The following QTMAN variants were observed in gnomAD, a reference collection of about 807,000 sequenced individuals.
QTMAN encodes the protein tRNA-queuosine alpha-mannosyltransferase.
the QTMAN span, among the ~76,000 whole-genome samples, chr2:144,078,815 A>G: frequency 2.6e-5 from 4 of 152,156 alleles, no homozygotes. Flanking sequence ...ACATTTACAT[A>G]GAAACCAGGC....
chr2:144,077,986 T>TA, the QTMAN span, among the ~76,000 whole-genome samples: 1 of 137,062 alleles, frequency 7.3e-6, no homozygotes, highest in African/African-American at 2.8e-5. Context: ...AGATAGCATA[T>TA]AAAAATGCCA....
At chr2:144,226,891 T>C in the QTMAN span, among the ~76,000 whole-genome samples, 146 of 152,228 alleles carry the variant, frequency 9.6e-4, no homozygotes, top group Middle Eastern at 3.4e-3. Context: ...GTCTGAGCCA[T>C]TCCTTCTGCA....
the QTMAN span, among the ~76,000 whole-genome samples, chr2:144,161,829 G>A: frequency 1.3e-5 from 2 of 152,174 alleles, no homozygotes; most frequent in African/African-American, 4.8e-5. Context: ...AGTAAGTTAT[G>A]AAAATTCATC....
chr2:144,119,253 C>T, the QTMAN span, among the ~76,000 whole-genome samples: 2 of 152,110 alleles, frequency 1.3e-5, no homozygotes, highest in Non-Finnish European at 1.5e-5. Flanking sequence ...ATTCAGATTA[C>T]GTGAATCTGA....
chr2:144,225,847 G>A, the QTMAN span, among the ~76,000 whole-genome samples: 1 of 152,114 alleles, frequency 6.6e-6, no homozygotes, highest in Non-Finnish European at 1.5e-5. Context: ...TTATACTATA[G>A]TTATACAGTA....
chr2:143,958,446 T>C, the QTMAN span, among the ~76,000 whole-genome samples: 15 of 152,088 alleles, frequency 9.9e-5, no homozygotes, highest in African/African-American at 3.6e-4. Flanking sequence ...GGTGTATGCA[T>C]GCGTGTAAAA....
the QTMAN span, among the ~76,000 whole-genome samples, chr2:144,289,292 G>C: frequency 2.6e-5 from 4 of 152,122 alleles, no homozygotes; most frequent in Non-Finnish European, 5.9e-5. Context: ...CTCACAAAGT[G>C]CTGGAATTAC....
At chr2:144,323,380 G>A in the QTMAN span, among the ~76,000 whole-genome samples, 1 of 152,180 alleles carries the variant, frequency 6.6e-6, no homozygotes, top group Non-Finnish European at 1.5e-5. Context: ...ATTCTTAAGT[G>A]AAAGTGGCTT....
the QTMAN span, among the ~76,000 whole-genome samples, chr2:144,023,940 T>C: frequency 6.6e-6 from 1 of 152,250 alleles, no homozygotes; most frequent in Non-Finnish European, 1.5e-5. Context: ...GTATATCATC[T>C]GAACTGTCAA....
chr2:144,069,542 A>C, the QTMAN span, among the ~76,000 whole-genome samples: 1 of 152,098 alleles, frequency 6.6e-6, no homozygotes, highest in Non-Finnish European at 1.5e-5. Context: ...GTGATCACAT[A>C]ACACATTTAT....
chr2:144,255,969 GTTTTGC>G, the QTMAN span, among the ~76,000 whole-genome samples: 4 of 152,154 alleles, frequency 2.6e-5, no homozygotes, highest in African/African-American at 9.7e-5. Flanking sequence ...TTCCTATTCA[GTTTTGC>G]TCTGGACCTA....
At chr2:144,310,950 T>C in the QTMAN span, among the ~76,000 whole-genome samples, 2 of 152,306 alleles carry the variant, frequency 1.3e-5, no homozygotes, top group Admixed American at 6.5e-5. Context: ...GGTATGTGTG[T>C]ACGTGAAATT....
At chr2:144,143,489 CAAA>C in the QTMAN span, among the ~76,000 whole-genome samples, 1 of 151,764 alleles carries the variant, frequency 6.6e-6, no homozygotes, top group South Asian at 2.1e-4. Flanking sequence ...AAAAAATGAA[CAAA>C]AAGAGTGTTG....
chr2:144,089,357 T>C, the QTMAN span, among the ~76,000 whole-genome samples: 1 of 152,038 alleles, frequency 6.6e-6, no homozygotes, highest in African/African-American at 2.4e-5. Flanking sequence ...GAATGTAAAC[T>C]AGTACAGCCA....
At chr2:144,321,216 G>A in the QTMAN span, among the ~76,000 whole-genome samples, 67 of 152,128 alleles carry the variant, frequency 4.4e-4, 1 homozygote, top group Non-Finnish European at 5.3e-4. Context: ...CACCACCCAC[G>A]TGGGATGCCC....
chr2:144,155,196 C>T, the QTMAN span, among the ~76,000 whole-genome samples: 1 of 152,130 alleles, frequency 6.6e-6, no homozygotes, highest in Non-Finnish European at 1.5e-5. Flanking sequence ...TTCTCTGCTT[C>T]ACCATCGTAA....
the QTMAN span, among the ~76,000 whole-genome samples, chr2:144,240,661 T>C: frequency 3.3e-5 from 5 of 152,288 alleles, no homozygotes; most frequent in African/African-American, 1.2e-4. Flanking sequence ...TAACATAAAA[T>C]CCACCCTAGA....
At chr2:144,214,670 C>G in the QTMAN span, among the ~76,000 whole-genome samples, 1 of 152,236 alleles carries the variant, frequency 6.6e-6, no homozygotes, top group East Asian at 1.9e-4. Context: ...CATGGATATG[C>G]TAATCTCTTC....
the QTMAN span, among the ~76,000 whole-genome samples, chr2:143,988,536 C>T: frequency 6.6e-6 from 1 of 152,366 alleles, no homozygotes; most frequent in East Asian, 1.9e-4. Flanking sequence ...GAATCAGGAA[C>T]TGCTCTAAGA....
Sources: gnomAD v4.1 joint callset for allele counts (sites outside exome capture counted in the v4.1 genomes callset) on GRCh38, gnomAD v4.1.1 for gene constraint, MANE v1.5 for transcripts, NCBI Gene and HGNC (gene_info 2026-07-23, HGNC 2026-07-21) for gene names.